Variants in KIAA1217 observed in about 807,000 individuals in gnomAD.
KIAA1217 encodes KIAA1217, also known as sickle tail protein homolog.
In KIAA1217, 88 loss-of-function variants were observed where a neutral mutation model predicts 163.9. The ratio of observed to expected loss-of-function variants is 0.54; its 90% confidence interval spans 0.45 to 0.64. The LOEUF (loss-of-function observed/expected upper bound fraction) is 0.64. Among genes scored for constraint, KIAA1217 ranks in the 30% least tolerant of loss-of-function variants. The pLI, the probability that KIAA1217 is intolerant of heterozygous loss-of-function variation, is 0.00. For synonymous variants in KIAA1217, 903 were observed against 923.1 expected, an observed-to-expected ratio of 0.98 and a Z score of 0.39; for missense variants, 2,372 against 2,475.0, an observed-to-expected ratio of 0.96 and a Z score of 0.88.
At chr10:23,916,506 A>C (rs1842637643) in intron 1 of KIAA1217, among the ~76,000 whole-genome samples, 1 of 140,898 alleles carries the variant, frequency 7.1e-6, no homozygotes, top group African/African-American at 2.6e-5. Context: ...ACTGAATTGC[A>C]GTCGCTTGCT....
chr10:24,520,639 A>ATAT (rs1564847996), intron 11 of KIAA1217, among the ~76,000 whole-genome samples: 2 of 56,654 alleles, frequency 3.5e-5, no homozygotes, highest in African/African-American at 1.6e-4. Context: ...AAAAAAAAAA[A>ATAT]AAAAAAAAAA....
intron 2 of KIAA1217, among the ~76,000 whole-genome samples, chr10:24,315,668 G>A (rs1447249232): frequency 2.0e-5 from 3 of 152,014 alleles, no homozygotes; most frequent in Non-Finnish European, 4.4e-5. Flanking sequence ...ATGGCTTGAG[G>A]CAGGAGGATC....
intron 8 of KIAA1217, among the ~76,000 whole-genome samples, chr10:24,501,093 AAAAAT>A (rs1318652284): frequency 7.0e-6 from 1 of 143,850 alleles, no homozygotes; most frequent in Non-Finnish European, 1.5e-5. Context: ...AAAATAAAAA[AAAAAT>A]AAACAAAATT....
intron 2 of KIAA1217, among the ~76,000 whole-genome samples, chr10:24,346,568 CTT>C (rs1177259021): frequency 2.1e-4 from 26 of 121,016 alleles, no homozygotes; most frequent in Non-Finnish European, 3.7e-4. Flanking sequence ...TTTGTTGGCC[CTT>C]TTTTTTTTTT....
chr10:24,494,761 G>A (rs1169567247), intron 7 of KIAA1217, among the ~76,000 whole-genome samples, 157 bp downstream of exon 7: 1 of 151,962 alleles, frequency 6.6e-6, no homozygotes. Flanking sequence ...TTTGTTTTGG[G>A]GGGTTTGGTT....
intron 1 of KIAA1217, among the ~76,000 whole-genome samples, chr10:23,838,848 T>G (rs769296244): frequency 5.3e-5 from 8 of 152,208 alleles, no homozygotes; most frequent in Non-Finnish European, 8.8e-5. Flanking sequence ...ACTTAGGACT[T>G]TCTTAAATTC....
At chr10:24,292,517 G>A (rs1298883807) in intron 2 of KIAA1217, among the ~76,000 whole-genome samples, 3 of 152,156 alleles carry the variant, frequency 2.0e-5, no homozygotes, top group Non-Finnish European at 4.4e-5. Flanking sequence ...AGAAGGGTAG[G>A]GAGGCCATGA....
upstream of KIAA1217, chr10:24,209,011 CTGGAA>C: frequency 1.7e-6 from 1 of 589,500 alleles, no homozygotes; most frequent in Non-Finnish European, 3.0e-6. Flanking sequence ...AGGCCCCGCG[CTGGAA>C]TGCAGTTTTC....
In KIAA1217 at chr10:23,823,379, A is replaced by T. The variant is rs143751751; in HGVS notation, c.-321+128145A>T. 3.1e-3 allele frequency among the ~76,000 whole-genome samples: 474 copies of T among 152,352 alleles called. 1 individual carries two copies. The highest frequency in any genetic ancestry group is 0.011 in the African/African-American group (453 of 41,584). On this transcript the variant is annotated intron_variant, in intron 1 of 18. Transcript: ENST00000376462. ...ATGTGATTTCCTCCATCTCAGAGCC[A>T]GCAAAAGTTTGAGTCCTTCTTACGC...
intron 3 of KIAA1217, among the ~76,000 whole-genome samples, chr10:24,428,932 C>T (rs1196347969): frequency 1.3e-5 from 2 of 150,972 alleles, no homozygotes; most frequent in African/African-American, 4.9e-5. Context: ...TAAGCAATAT[C>T]ACTAATTAAA....
chr10:24,020,163 C>A (rs1021194015), intron 2 of KIAA1217, among the ~76,000 whole-genome samples: 2 of 152,172 alleles, frequency 1.3e-5, no homozygotes, highest in South Asian at 2.1e-4. Context: ...TTATGAAAAA[C>A]TTCTAGAGCG....
chr10:24,050,005 T>C (rs1401940921), intron 2 of KIAA1217, among the ~76,000 whole-genome samples: 2 of 152,232 alleles, frequency 1.3e-5, no homozygotes, highest in African/African-American at 4.8e-5. Flanking sequence ...CCATTCTAAC[T>C]GGCATGAGAT....
intron 2 of KIAA1217, among the ~76,000 whole-genome samples, chr10:24,302,952 T>A (rs2041552738): frequency 6.6e-6 from 1 of 152,154 alleles, no homozygotes; most frequent in Non-Finnish European, 1.5e-5. Context: ...CAAGGTCATG[T>A]AGGGTCTTAA....
intron 10 of KIAA1217, 142 bp from the exon 11 acceptor site, chr10:24,519,981 C>G (rs978507385): frequency 1.3e-5 from 12 of 909,232 alleles, no homozygotes; most frequent in Non-Finnish European, 2.0e-5. Context: ...AGCGACCCCC[C>G]TCCACCACCA....
chr10:24,488,165 C>T (rs2065645607), intron 6 of KIAA1217, among the ~76,000 whole-genome samples: 1 of 152,166 alleles, frequency 6.6e-6, no homozygotes, highest in East Asian at 1.9e-4. Flanking sequence ...TAACACCATT[C>T]TGAGTTAGAA....
chr10:24,007,193 G>A (rs1357792055), intron 1 of KIAA1217: 1 of 151,638 alleles, frequency 6.6e-6, no homozygotes, highest in Admixed American at 6.6e-5. Context: ...TTCTGCAGTG[G>A]GAACAATTCC....
intron 5 of KIAA1217, among the ~76,000 whole-genome samples, chr10:24,439,505 T>C (rs117811053): frequency 0.013 from 2,037 of 152,350 alleles, 33 homozygotes; most frequent in Middle Eastern, 0.034. Context: ...GCTGCTGTAA[T>C]AAATTAGGAC....
intron 1 of KIAA1217, among the ~76,000 whole-genome samples, chr10:23,740,328 C>T (rs1462206910): frequency 6.6e-6 from 1 of 152,050 alleles, no homozygotes; most frequent in Admixed American, 6.6e-5. Context: ...TTTTAGGGCT[C>T]CTGTGGTGTA....
chr10:23,725,285 G>T (rs1210367739), intron 1 of KIAA1217, among the ~76,000 whole-genome samples: 2 of 152,212 alleles, frequency 1.3e-5, no homozygotes, highest in Non-Finnish European at 1.5e-5. Flanking sequence ...ATGGAAGTTT[G>T]CTCCAAGAGT....
Sources: allele counts gnomAD v4.1 joint callset (sites outside exome capture counted in the v4.1 genomes callset), GRCh38; gene constraint gnomAD v4.1.1; transcripts MANE v1.5; gene names NCBI Gene and HGNC (gene_info 2026-07-23, HGNC 2026-07-21).